The following RELN variants were observed in gnomAD, a reference collection of about 807,000 sequenced individuals.
RELN encodes reelin.
A neutral mutation model predicts 427.6 loss-of-function variants in RELN; 108 were observed. The observed-to-expected ratio is 0.25, with a 90% CI of 0.22 to 0.30. The LOEUF is 0.30. Among genes scored for constraint, RELN ranks in the 10% least tolerant of loss-of-function variants. RELN has a pLI of 1.00. For synonymous variants in RELN, 1,524 were observed against 1,513.4 expected, an observed-to-expected ratio of 1.01 and a Z score of -0.16; for missense variants, 3,715 against 4,302.8, an observed-to-expected ratio of 0.86 and a Z score of 3.82.
At chr7:103,750,206 G>A (rs1790962613) in intron 5 of RELN, among the ~76,000 whole-genome samples, 1 of 152,188 alleles carries the variant, frequency 6.6e-6, no homozygotes, top group Non-Finnish European at 1.5e-5. Context: ...TTGAACTCCT[G>A]ACCTCAGGTG....
At chr7:103,581,792 C>A (rs1408776500) in intron 28 of RELN, among the ~76,000 whole-genome samples, 1 of 151,868 alleles carries the variant, frequency 6.6e-6, no homozygotes, top group African/African-American at 2.4e-5. Flanking sequence ...AATGCTGGAG[C>A]CCGCCGAACT....
intron 27 of RELN, among the ~76,000 whole-genome samples, chr7:103,592,617 G>A (rs755226494): frequency 2.0e-5 from 3 of 152,102 alleles, no homozygotes; most frequent in Admixed American, 1.3e-4. Context: ...CCTGATCATT[G>A]TTTAAATGCT....
chr7:103,811,995 T>C (rs1163825046), intron 3 of RELN, among the ~76,000 whole-genome samples: 1 of 152,228 alleles, frequency 6.6e-6, no homozygotes, highest in Non-Finnish European at 1.5e-5. Flanking sequence ...ATGATGCTAG[T>C]TATTCAAATG....
chr7:103,640,597 G>C lies in RELN; in HGVS notation c.2015C>G (p.Pro672Arg), dbSNP rs201044262. ...MWAIDNVYIG[P>R]SCLKFCSGRG... The stretch of plus-strand genomic sequence containing the variant: ...GCCAGAACAGAATTTGAGACATGAC[G>C]GGCCAATATAAACTGTGGGAGGGAA... The change falls in exon 17 of 65, where the codon CCG becomes CGG. Residue 672 changes from proline (P) to arginine (R), a missense_variant. This residue lies in a region of RELN where 2,208 missense variants were observed against 2,361.7 expected (regional missense o/e 0.93). Transcript: ENST00000428762. The surrounding 1 kb of genome is among the most constrained non-coding windows in gnomAD (Gnocchi z 4.1). 2 of 1,613,592 alleles carry C rather than the reference G, an allele frequency of 1.2e-6. No homozygotes were observed. The highest frequency in any genetic ancestry group is 1.7e-6 in the Non-Finnish European group (2 of 1,179,838).
intron 6 of RELN, among the ~76,000 whole-genome samples, chr7:103,744,327 G>C (rs1790756668): frequency 6.6e-6 from 1 of 151,790 alleles, no homozygotes; most frequent in Non-Finnish European, 1.5e-5. Context: ...ATCCAAAATT[G>C]ACACCCTAAC....
At chr7:103,509,628 T>C (rs13233530) in intron 51 of RELN, among the ~76,000 whole-genome samples, 24,369 of 152,028 alleles carry the variant, frequency 0.16, 2,076 homozygotes, top group East Asian at 0.29. Context: ...CCAAAAGCAA[T>C]GGCAACAAAA....
chr7:103,920,774 A>G (rs1365949578), intron 1 of RELN, among the ~76,000 whole-genome samples: 1 of 152,042 alleles, frequency 6.6e-6, no homozygotes, highest in East Asian at 1.9e-4. Context: ...GGGTTTCACC[A>G]TGTTGACCAG....
At position 103,566,730 on chromosome 7, in the gene RELN, CA is replaced by C. The variant is rs1314517374; in HGVS notation, c.4617del (p.Asn1539LysfsTer58). ...EGLIVQYSNDNGILWHLLREL... is the reference protein window; with the variant it reads ...EGLIVQYSNDXGILWHLLREL... ...TCTCGAAGCAAATGCCAGAGTATCC[CA>C]TTGTCATTTGAATACTGAACAATAA... On this transcript the variant is annotated frameshift_variant, in exon 32 of 65. Coordinates refer to ENST00000428762, the MANE Select transcript of RELN (RefSeq NM_005045.4). LOFTEE classifies it high-confidence loss of function. The C allele has an allele frequency of 6.2e-7, 1 of 1,614,018 alleles. No individual in the cohort carries two copies.
At chr7:103,732,819 A>G (rs1790388271) in intron 6 of RELN, among the ~76,000 whole-genome samples, 1 of 152,046 alleles carries the variant, frequency 6.6e-6, no homozygotes, top group Non-Finnish European at 1.5e-5. Flanking sequence ...ACCCCCAAAA[A>G]TGTTCTCTAT....
At chr7:103,554,093 G>T (rs754173738) in intron 38 of RELN, among the ~76,000 whole-genome samples, 18 of 151,976 alleles carry the variant, frequency 1.2e-4, no homozygotes, top group Non-Finnish European at 2.4e-4. Flanking sequence ...AGGCTGAGGT[G>T]GGAGGACTGC....
At chr7:103,975,639 G>A (rs184834740) in intron 1 of RELN, among the ~76,000 whole-genome samples, 1 of 151,372 alleles carries the variant, frequency 6.6e-6, no homozygotes, top group Non-Finnish European at 1.5e-5. Context: ...TCCGCCTCCC[G>A]GGTTCACGCC....
Position 103,728,195 on chromosome 7 carries a change from G to C in RELN, c.669C>G (p.Asn223Lys), listed in dbSNP as rs773006128. Residue 223 changes from asparagine to lysine, a missense_variant, in exon 7 of 65, where the codon AAC (asparagine) becomes AAG (lysine). Transcript: ENST00000428762. ...QLNPNIWVEC[N>K]NCETGEQCGA... The stretch of plus-strand genomic sequence containing the variant: ...CACACTGTTCTCCAGTCTCACAGTT[G>C]TTACATTCAACCCTGCAGGAAAACA... The C allele has an allele frequency of 3.7e-6, 6 of 1,613,716 alleles. No individual in the cohort carries two copies. The highest frequency in any genetic ancestry group is 1.7e-4 in the Middle Eastern group (1 of 6,058).
chr7:103,653,241 T>C (rs544511751), intron 13 of RELN, among the ~76,000 whole-genome samples: 13 of 152,206 alleles, frequency 8.5e-5, no homozygotes, highest in African/African-American at 2.6e-4. Context: ...TGATTTGATA[T>C]GAGGCATGAA....
chr7:103,801,127 T>C (rs575644538), intron 3 of RELN, among the ~76,000 whole-genome samples: 1 of 152,344 alleles, frequency 6.6e-6, no homozygotes, highest in East Asian at 1.9e-4. Flanking sequence ...TATTACACTG[T>C]TGGTGGGACT....
chr7:103,567,242 T>A (rs1451859028), intron 31 of RELN, among the ~76,000 whole-genome samples: 1 of 152,234 alleles, frequency 6.6e-6, no homozygotes, highest in Non-Finnish European at 1.5e-5. Context: ...ACTTCGCACT[T>A]TGTCAGATCT....
At chr7:103,845,936 C>T (rs188419432) in intron 2 of RELN, among the ~76,000 whole-genome samples, 4 of 152,184 alleles carry the variant, frequency 2.6e-5, no homozygotes, top group Admixed American at 2.6e-4. Flanking sequence ...GTGAAAATAG[C>T]CACACTGCCC....
chr7:103,892,540 T>C (rs1281531663), intron 2 of RELN, among the ~76,000 whole-genome samples: 1 of 152,138 alleles, frequency 6.6e-6, no homozygotes, highest in South Asian at 2.1e-4. Flanking sequence ...AGATGTGTAT[T>C]AGGGAATATG....
chr7:103,958,471 C>T (rs1040085586), intron 1 of RELN, among the ~76,000 whole-genome samples: 22 of 152,114 alleles, frequency 1.4e-4, no homozygotes, highest in African/African-American at 3.6e-4. Flanking sequence ...TAGTTTTCTA[C>T]GACTCACTGT....
chr7:103,754,771 G>T (rs1003345584), intron 4 of RELN, among the ~76,000 whole-genome samples: 1 of 152,078 alleles, frequency 6.6e-6, no homozygotes, highest in Non-Finnish European at 1.5e-5. Context: ...GTCAGACCCT[G>T]TCTCTAAATA....
Sources: allele counts gnomAD v4.1 joint callset (sites outside exome capture counted in the v4.1 genomes callset), GRCh38; gene constraint gnomAD v4.1.1; regional missense constraint gnomAD v4.1.1; non-coding constraint Gnocchi (gnomAD v3.1); transcripts MANE v1.5; gene names NCBI Gene and HGNC (gene_info 2026-07-23, HGNC 2026-07-21).